ZNF536: variants seen among roughly 807,000 people sequenced by gnomAD.
ZNF536 encodes zinc finger protein 536.
A neutral mutation model predicts 84.5 loss-of-function variants in ZNF536; 13 were observed. The ratio of observed to expected loss-of-function variants is 0.15; its 90% CI spans 0.10 to 0.24. The LOEUF is 0.24. Among genes scored for constraint, ZNF536 ranks in the 10% least tolerant of loss-of-function variants. The pLI, the probability that ZNF536 is intolerant of heterozygous loss-of-function variation, is 1.00. For missense variants in ZNF536, 1,536 were observed against 1,747.5 expected, an observed-to-expected ratio of 0.88 and a Z score of 2.16; for synonymous variants, 811 against 742.5, an observed-to-expected ratio of 1.09 and a Z score of -1.50.
chr19:30,456,915 G>A (rs556947296), intron 2 of ZNF536, among the ~76,000 whole-genome samples: 49 of 152,064 alleles, frequency 3.2e-4, no homozygotes, highest in Non-Finnish European at 6.5e-4. Context: ...GGTGGTGGGC[G>A]CCTGTAATCC....
chr19:30,559,854 G>A (rs951045362), downstream of ZNF536, among the ~76,000 whole-genome samples: 1 of 152,148 alleles, frequency 6.6e-6, no homozygotes, highest in African/African-American at 2.4e-5. Flanking sequence ...TCTCCAAGCT[G>A]GAAGACTCGG....
chr19:30,447,146 C>G (rs188660653), intron 2 of ZNF536, among the ~76,000 whole-genome samples: 2 of 152,322 alleles, frequency 1.3e-5, no homozygotes, highest in African/African-American at 4.8e-5. Context: ...CTGTTAAAGA[C>G]GTAGCAGCAC....
chr19:30,306,349 G>A (rs1176689941), intron 2 of ZNF536, among the ~76,000 whole-genome samples: 1 of 152,094 alleles, frequency 6.6e-6, no homozygotes, highest in Non-Finnish European at 1.5e-5. Context: ...TTTCCTGGCT[G>A]AATATCTGAG....
chr19:30,551,360 C>T (rs542121171), intron 4 of ZNF536, among the ~76,000 whole-genome samples: 2 of 152,256 alleles, frequency 1.3e-5, no homozygotes, highest in South Asian at 2.1e-4. Context: ...TCGCACCAGG[C>T]GAGGTTGAAT....
At chr19:30,583,543 C>T (rs1310043652) in intron 1 of ZNF536, among the ~76,000 whole-genome samples, 4 of 152,166 alleles carry the variant, frequency 2.6e-5, no homozygotes, top group Non-Finnish European at 4.4e-5. Context: ...CAGCTCCACC[C>T]AGATGCTTAA....
intron 2 of ZNF536, among the ~76,000 whole-genome samples, chr19:30,488,359 C>T (rs958781369): frequency 3.9e-5 from 6 of 152,078 alleles, no homozygotes; most frequent in African/African-American, 1.4e-4. Context: ...AGCCTGGCTT[C>T]GGGAAGTGCC....
At chr19:30,427,261 G>A (rs560993029) in intron 1 of ZNF536, among the ~76,000 whole-genome samples, 1 of 152,222 alleles carries the variant, frequency 6.6e-6, no homozygotes, top group Non-Finnish European at 1.5e-5. Context: ...AGGACAGAAG[G>A]TGTGGACAAC....
At chr19:30,535,140 A>G (rs1228286153) in intron 3 of ZNF536, 141 bp downstream of exon 3, 3 of 945,358 alleles carry the variant, frequency 3.2e-6, no homozygotes, top group East Asian at 2.8e-5. Flanking sequence ...CCACCATTGT[A>G]TGGCTCAGAA....
At chr19:30,516,258 C>T (rs1160506539) in intron 2 of ZNF536, among the ~76,000 whole-genome samples, 2 of 152,252 alleles carry the variant, frequency 1.3e-5, no homozygotes, top group Non-Finnish European at 2.9e-5. Context: ...AGGAAGGACC[C>T]AGGTGCCTCC....
intron 1 of ZNF536, among the ~76,000 whole-genome samples, chr19:30,648,732 A>AGGT (rs2049574406): frequency 6.6e-6 from 1 of 152,222 alleles, no homozygotes; most frequent in African/African-American, 2.4e-5. Flanking sequence ...AGCTCAATAA[A>AGGT]GGTAGTCAAT....
chr19:30,501,538 C>G (rs995605003), intron 2 of ZNF536, among the ~76,000 whole-genome samples: 3 of 152,170 alleles, frequency 2.0e-5, no homozygotes, highest in Non-Finnish European at 2.9e-5. Flanking sequence ...ATTTGACCTC[C>G]TTTCATGGGC....
At chr19:30,286,548 A>AGAGACCGAGAGAGAGAGAG (rs1568305284) in intron 2 of ZNF536, among the ~76,000 whole-genome samples, 3 of 92,586 alleles carry the variant, frequency 3.2e-5, no homozygotes, top group Non-Finnish European at 2.0e-5. Context: ...GAGAGAGAGA[A>AGAGACCGAGAGAGAGAGAG]AGAGAGAGAC....
At chr19:30,227,642 C>A (rs954875712), upstream of ZNF536, among the ~76,000 whole-genome samples, 7 of 151,284 alleles carry the variant, frequency 4.6e-5, no homozygotes, top group Non-Finnish European at 5.9e-5. Flanking sequence ...GGGTGGGAGC[C>A]GGCGGCCGGC....
chr19:30,683,025 A>G (rs2147839828), intron 1 of ZNF536, among the ~76,000 whole-genome samples: 1 of 152,366 alleles, frequency 6.6e-6, no homozygotes, highest in South Asian at 2.1e-4. Context: ...AAATGTGCCA[A>G]CAATTCTAGT....
At chr19:30,514,037 C>A (rs1274469095) in intron 2 of ZNF536, among the ~76,000 whole-genome samples, 1 of 152,146 alleles carries the variant, frequency 6.6e-6, no homozygotes, top group Non-Finnish European at 1.5e-5. Flanking sequence ...CTCAGTGAGA[C>A]CTGGCGAGCC....
chr19:30,259,727 C>T (rs934942968), intron 1 of ZNF536, among the ~76,000 whole-genome samples: 5 of 151,894 alleles, frequency 3.3e-5, no homozygotes, highest in South Asian at 2.1e-4. Context: ...GTTTAAAATG[C>T]GAAAAAACAG....
chr19:30,405,031 C>A (rs747021464), intron 1 of ZNF536, among the ~76,000 whole-genome samples: 7 of 152,300 alleles, frequency 4.6e-5, no homozygotes, highest in Middle Eastern at 3.4e-3. Context: ...TGAAGAGAGG[C>A]GTAGGGGAAT....
intron 2 of ZNF536, among the ~76,000 whole-genome samples, chr19:30,324,632 T>A (rs1386850850): frequency 6.6e-6 from 1 of 152,212 alleles, no homozygotes; most frequent in Admixed American, 6.5e-5. Flanking sequence ...GCTCAAGTAA[T>A]CCTCTTACCT....
At chr19:30,337,251 G>C (rs1466841437) in intron 2 of ZNF536, among the ~76,000 whole-genome samples, 1 of 152,170 alleles carries the variant, frequency 6.6e-6, no homozygotes, top group Non-Finnish European at 1.5e-5. Context: ...CGGCTGCCTG[G>C]CCCACAGAGT....
Sources: gnomAD v4.1 joint callset for allele counts (sites outside exome capture counted in the v4.1 genomes callset) on GRCh38, gnomAD v4.1.1 for gene constraint, MANE v1.5 for transcripts, NCBI Gene and HGNC (gene_info 2026-07-23, HGNC 2026-07-21) for gene names.